Variants in WWOX observed in about 807,000 individuals in gnomAD.
WWOX encodes WW domain containing oxidoreductase, also known as WW domain-containing oxidoreductase.
In WWOX, 69 loss-of-function variants were observed where a neutral mutation model predicts 46.2. The ratio of observed to expected loss-of-function variants is 1.49; its 90% CI spans 1.23 to 1.82. The LOEUF (loss-of-function observed/expected upper bound fraction) is 1.82. Ranked by LOEUF, WWOX falls within the 40% of genes most tolerant of loss-of-function variation. The pLI, the probability that WWOX is intolerant of heterozygous loss-of-function variation, is 0.00. For synonymous variants in WWOX, 359 were observed against 202.6 expected (o/e 1.77, Z -6.56); for missense variants, 919 against 542.6 (o/e 1.69, Z -6.89).
intron 8 of WWOX, among the ~76,000 whole-genome samples, chr16:78,521,802 G>T (rs2043353985): frequency 6.6e-6 from 1 of 150,870 alleles, no homozygotes; most frequent in Admixed American, 6.6e-5. Flanking sequence ...TTTGGCATAA[G>T]AAGCCCATGT....
intron 5 of WWOX, among the ~76,000 whole-genome samples, chr16:78,195,256 C>G (rs933477583): frequency 1.3e-5 from 2 of 152,190 alleles, no homozygotes; most frequent in African/African-American, 4.8e-5. Context: ...TGCTGGCAGA[C>G]TGACTGGAAC....
intron 7 of WWOX, among the ~76,000 whole-genome samples, chr16:78,431,452 A>G (rs1316683319): frequency 6.6e-6 from 1 of 152,216 alleles, no homozygotes; most frequent in East Asian, 1.9e-4. Flanking sequence ...ACAGGACTCA[A>G]GCATTAGCTA....
At chr16:78,721,727 G>A (rs1238492767) in intron 8 of WWOX, among the ~76,000 whole-genome samples, 1 of 152,192 alleles carries the variant, frequency 6.6e-6, no homozygotes, top group African/African-American at 2.4e-5. Flanking sequence ...TCCTCACAGA[G>A]TTTTTCTGGG....
chr16:79,110,599 C>G (rs1468748201), intron 8 of WWOX: 1 of 152,256 alleles, frequency 6.6e-6, no homozygotes, highest in Non-Finnish European at 1.5e-5. Flanking sequence ...CCCTCCACCT[C>G]CAACACACAC....
At position 79,055,135 on chromosome 16, in the gene WWOX, A is replaced by G. The variant is rs76655049; in HGVS notation, c.1057-156473A>G. Among the ~76,000 whole-genome samples, 1,435 of 152,358 alleles carry G rather than the reference A, an allele frequency of 9.4e-3. 22 individuals are homozygous for G. The highest frequency in any genetic ancestry group is 0.029 in the African/African-American group (1,222 of 41,580). ...CATATGAGACAAAACAGGTAGAAGA[A>G]AAAAACATTCCTCCTCAGATATGCA... On this transcript the variant is annotated intron_variant, in intron 8 of 8. Coordinates refer to ENST00000566780, the MANE Select transcript of WWOX (RefSeq NM_016373.4).
rs1245999998 is a variant in WWOX, at chr16:79,195,776, C to T, written c.1057-15832C>T. On this transcript the variant is annotated intron_variant, in intron 8 of 8. Coordinates refer to ENST00000566780, the MANE Select transcript of WWOX (RefSeq NM_016373.4). The stretch of plus-strand genomic sequence containing the variant: ...TGGGGAAACACTCCAGGTAGTGGTA[C>T]ATAGAATCCTAGCACAAGATCAGTG... 4.6e-5 allele frequency among the ~76,000 whole-genome samples: 7 copies of T among 152,286 alleles called. No homozygotes were observed. The East Asian group carries it at 1.4e-3, about 29-fold the overall frequency.
At chr16:78,399,531 C>T (rs370378945) in intron 6 of WWOX, among the ~76,000 whole-genome samples, 1 of 152,170 alleles carries the variant, frequency 6.6e-6, no homozygotes, top group Non-Finnish European at 1.5e-5. Flanking sequence ...CAGGGAGCGA[C>T]ACCTCTCAGC....
intron 4 of WWOX, among the ~76,000 whole-genome samples, chr16:78,146,895 C>T (rs2034217817): frequency 6.6e-6 from 1 of 152,206 alleles, no homozygotes; most frequent in Non-Finnish European, 1.5e-5. Context: ...TTAAAGCTAG[C>T]ATTGCCCGTG....
At chr16:78,970,009 A>C (rs1335394290) in intron 8 of WWOX, among the ~76,000 whole-genome samples, 1 of 152,048 alleles carries the variant, frequency 6.6e-6, no homozygotes, top group Non-Finnish European at 1.5e-5. Flanking sequence ...TATGAATCAT[A>C]TCTCAACAAA....
intron 8 of WWOX, among the ~76,000 whole-genome samples, chr16:78,487,305 T>C (rs1191885291): frequency 6.6e-6 from 1 of 152,170 alleles, no homozygotes; most frequent in Non-Finnish European, 1.5e-5. Context: ...ATTTGGTTAT[T>C]TTCCTCCCAG....
intron 8 of WWOX, among the ~76,000 whole-genome samples, chr16:78,722,698 GTTTTT>G (rs56266240): frequency 1.7e-4 from 20 of 116,302 alleles, no homozygotes; most frequent in Non-Finnish European, 3.1e-4. Context: ...GTTTGTCTCT[GTTTTT>G]TTTTTTTTTT....
chr16:79,019,456 A>G (rs941697794), intron 8 of WWOX, among the ~76,000 whole-genome samples: 8 of 152,112 alleles, frequency 5.3e-5, no homozygotes, highest in Admixed American at 4.6e-4. Context: ...AACATATCTA[A>G]ACATAGAAAT....
intron 8 of WWOX, among the ~76,000 whole-genome samples, chr16:78,992,729 A>G (rs558554601): frequency 6.6e-6 from 1 of 152,250 alleles, no homozygotes; most frequent in Non-Finnish European, 1.5e-5. Context: ...GAAGGTAGCA[A>G]GAGGAAATCG....
intron 8 of WWOX, among the ~76,000 whole-genome samples, chr16:79,131,467 G>C (rs549891162): frequency 1.3e-4 from 20 of 152,188 alleles, no homozygotes; most frequent in Non-Finnish European, 2.5e-4. Flanking sequence ...ATACTCTTAT[G>C]CAATTTATGA....
At chr16:78,929,070 C>G (rs945882685) in intron 8 of WWOX, among the ~76,000 whole-genome samples, 2 of 152,142 alleles carry the variant, frequency 1.3e-5, no homozygotes, top group Non-Finnish European at 2.9e-5. Context: ...AATCATTGCA[C>G]AGAACATCCA....
chr16:78,836,663 G>C (rs758931802), intron 8 of WWOX, among the ~76,000 whole-genome samples: 10 of 152,156 alleles, frequency 6.6e-5, no homozygotes, highest in Non-Finnish European at 1.0e-4. Context: ...TAGGCCATTT[G>C]CGGGGTGTAG....
chr16:78,781,662 C>G (rs995616739), intron 8 of WWOX, among the ~76,000 whole-genome samples: 21 of 152,140 alleles, frequency 1.4e-4, no homozygotes, highest in Non-Finnish European at 8.8e-5. Flanking sequence ...TGGCTCATGC[C>G]TCTAATCCTA....
rs149353090 is a variant in WWOX, at chr16:79,066,548, A to G, written c.1057-145060A>G. Among the ~76,000 whole-genome samples the G allele has an allele frequency of 3.7e-3, 568 of 152,350 alleles. 2 individuals carry two copies. Among genetic ancestry groups the G allele is most frequent in the African/African-American group, 0.013 (549 of 41,590 alleles). Reference sequence around the variant, plus strand: ...GGGAAGGAAGGAGGGAATAATTTCCAGGAAGCCTCATTGGATTTCTTTCCC... The same window carrying G: ...GGGAAGGAAGGAGGGAATAATTTCCGGGAAGCCTCATTGGATTTCTTTCCC... On this transcript the variant is annotated intron_variant, in intron 8 of 8. Coordinates refer to ENST00000566780, the MANE Select transcript of WWOX (RefSeq NM_016373.4).
chr16:78,338,853 G>A lies in WWOX; in HGVS notation c.517-48007G>A, dbSNP rs181795474. On this transcript the variant is annotated intron_variant, in intron 5 of 8. Coordinates refer to ENST00000566780, the MANE Select transcript of WWOX (RefSeq NM_016373.4). Reference sequence around the variant, plus strand: ...TTTCTTTTTGTAAAAATTGTACAGAGTTTAAAGTTAGTCAGGTATGTCTAT... The same window carrying A: ...TTTCTTTTTGTAAAAATTGTACAGAATTTAAAGTTAGTCAGGTATGTCTAT... Among the ~76,000 whole-genome samples, 80 of 119,974 alleles carry A rather than the reference G, an allele frequency of 6.7e-4. 23 individuals are homozygous for A. Among genetic ancestry groups the A allele is most frequent in the African/African-American group, 1.3e-3 (46 of 35,580 alleles). The allele number at this position is 119,974 out of a possible 152,430, so 78.7% of individuals were successfully genotyped here. A position where few individuals can be genotyped will look rare whatever the true frequency, so the allele number is the denominator to read the frequency against.
Sources: allele counts gnomAD v4.1 joint callset (sites outside exome capture counted in the v4.1 genomes callset), GRCh38; gene constraint gnomAD v4.1.1; transcripts MANE v1.5; gene names NCBI Gene and HGNC (gene_info 2026-07-23, HGNC 2026-07-21).